Variants in LRRC74A observed in about 807,000 individuals in gnomAD.
LRRC74A encodes leucine rich repeat containing 74A, also known as leucine-rich repeat-containing protein 74A.
Under a neutral mutation model 57.9 loss-of-function variants are expected in LRRC74A, and 44 were observed. That is an observed-to-expected ratio of 0.76 (90% CI 0.60 to 0.98). The LOEUF is 0.98. Among genes scored for constraint, LRRC74A ranks in the 50% least tolerant of loss-of-function variants. LRRC74A has a pLI of 0.00. For synonymous variants in LRRC74A, 211 were observed against 219.4 expected, an observed-to-expected ratio of 0.96 and a Z score of 0.34; for missense variants, 572 against 574.0, an observed-to-expected ratio of 1.00 and a Z score of 0.04.
intron 3 of LRRC74A, among the ~76,000 whole-genome samples, chr14:76,835,251 G>A (rs1453981945): frequency 6.6e-6 from 1 of 152,160 alleles, no homozygotes; most frequent in African/African-American, 2.4e-5. Flanking sequence ...GGGAGGCCAA[G>A]GCGGGTGGAT....
intron 11 of LRRC74A, among the ~76,000 whole-genome samples, chr14:76,862,513 G>T (rs1433501850): frequency 6.7e-6 from 1 of 148,464 alleles, no homozygotes; most frequent in African/African-American, 2.5e-5. Context: ...CTCCAGCCTG[G>T]GCAACAGAGC....
intron 2 of LRRC74A, chr14:76,828,673 A>T (rs1452703564): frequency 3.3e-6 from 2 of 614,078 alleles, no homozygotes; most frequent in African/African-American, 3.6e-5. Flanking sequence ...TTAAAAGCGG[A>T]ATCAATACAC....
chr14:76,831,436 G>T, intron 3 of LRRC74A, 61 bp downstream of exon 3: 3 of 1,577,240 alleles, frequency 1.9e-6, no homozygotes, highest in Non-Finnish European at 2.6e-6. Context: ...CAGAGTGGTA[G>T]GCCCAAGATT....
chr14:76,869,837 T>G (rs1316811028), intron 13 of LRRC74A, among the ~76,000 whole-genome samples: 1 of 152,152 alleles, frequency 6.6e-6, no homozygotes, highest in African/African-American at 2.4e-5. Context: ...AAGGTCCATT[T>G]TTATCTCCCT....
At chr14:76,857,732 G>A (rs1177805531) in intron 10 of LRRC74A, among the ~76,000 whole-genome samples, 2 of 152,194 alleles carry the variant, frequency 1.3e-5, no homozygotes, top group African/African-American at 2.4e-5. Context: ...AAACCTGAGA[G>A]TAGAGATAAG....
At chr14:76,867,765 G>A (rs904810393) in intron 13 of LRRC74A, among the ~76,000 whole-genome samples, 1 of 152,158 alleles carries the variant, frequency 6.6e-6, no homozygotes, top group East Asian at 1.9e-4. Flanking sequence ...GGTGAGAGGA[G>A]CCGTAGGGGT....
chr14:76,837,749 A>T (rs1896460344), intron 4 of LRRC74A, 126 bp from the exon 5 acceptor site: 1 of 563,634 alleles, frequency 1.8e-6, no homozygotes, highest in East Asian at 3.1e-5. Context: ...TAATCCTCCT[A>T]ATCCTTTCCC....
chr14:76,842,512 A>T (rs537658914), intron 5 of LRRC74A, among the ~76,000 whole-genome samples: 1 of 152,356 alleles, frequency 6.6e-6, no homozygotes, highest in Non-Finnish European at 1.5e-5. Context: ...TTCTCTTACA[A>T]CCAGCTCTGT....
rs923005462 is a variant in LRRC74A at position 76,859,663 on chromosome 14, T to C, written c.1054-1030T>C. Among the ~76,000 whole-genome samples, 4 of 62,522 alleles carry C rather than the reference T, an allele frequency of 6.4e-5. No homozygotes were observed. In the Admixed American group the frequency reaches 6.5e-4, roughly 10 times the overall value. The allele number at this position is 62,522 out of a possible 152,430, so 41.0% of individuals were successfully genotyped here. Reference sequence around the variant, plus strand: ...CAGAACAAATAGGTCTGAATTAGCCTTTTTTTTTTTTTTTTTTTTTTTGGG... The same window carrying C: ...CAGAACAAATAGGTCTGAATTAGCCCTTTTTTTTTTTTTTTTTTTTTTGGG... On this transcript the variant is annotated intron_variant, in intron 10 of 13. Transcript: ENST00000689127.
At position 76,837,876 on chromosome 14, in the gene LRRC74A, A is replaced by G. The variant is rs1343161917; in HGVS notation, c.449A>G (p.Asn150Ser). 1 of 1,576,842 alleles carries G rather than the reference A, an allele frequency of 6.3e-7. No homozygotes were observed. The highest frequency in any genetic ancestry group is 1.4e-5 in the African/African-American group (1 of 74,068). ...LQENYYLQEM[N>S]ISNNHLGLEG... ...CCGAAGTGTTTTCTTGCCTTTTAGAATATTTCCAACAATCACCTTGGTTTG... is the reference window on the plus strand; with the variant it reads ...CCGAAGTGTTTTCTTGCCTTTTAGAGTATTTCCAACAATCACCTTGGTTTG... Residue 150 changes from asparagine (N) to serine (S), a missense_variant and splice_region_variant, in exon 5 of 14, where the codon AAT becomes AGT. Asn to Ser is a conservative substitution (Grantham distance 46). Transcript: ENST00000689127.
intron 12 of LRRC74A, 26 bp downstream of exon 12, chr14:76,866,101 G>T (rs777064100): frequency 6.9e-7 from 1 of 1,450,996 alleles, no homozygotes; most frequent in East Asian, 2.4e-5. Flanking sequence ...GTGGCAACAG[G>T]CTGTGTGTGA....
chr14:76,869,201 G>C (rs943671199), intron 13 of LRRC74A, among the ~76,000 whole-genome samples: 14 of 152,290 alleles, frequency 9.2e-5, no homozygotes, highest in African/African-American at 3.4e-4. Flanking sequence ...GCCCATCTCA[G>C]AGGCTCCAGA....
chr14:76,858,425 T>C (rs1898056884), intron 10 of LRRC74A, among the ~76,000 whole-genome samples: 1 of 152,178 alleles, frequency 6.6e-6, no homozygotes, highest in African/African-American at 2.4e-5. Context: ...GGACACAGTC[T>C]TATTAGATTA....
chr14:76,841,777 A>T (rs539864127), intron 5 of LRRC74A, among the ~76,000 whole-genome samples: 1 of 145,994 alleles, frequency 6.8e-6, no homozygotes, highest in South Asian at 2.1e-4. Context: ...CAATGGCATG[A>T]TCTTGGCTCA....
chr14:76,852,808 G>A (rs552808778), intron 8 of LRRC74A, among the ~76,000 whole-genome samples: 2 of 152,034 alleles, frequency 1.3e-5, no homozygotes, highest in South Asian at 2.1e-4. Flanking sequence ...TAGTAGAAAC[G>A]GGGTTGTACC....
Position 76,831,224 on chromosome 14 carries a change from C to T in LRRC74A, c.188C>T (p.Thr63Ile). ...GCAGATGATGAGAAATTTTTCACCA[C>T]TGGACAAAAGGAGCTGTACCTGGAG... ...EIEDDEKFFT[T>I]GQKELYLEAC... is the part of the protein sequence containing the mutation. The change falls in exon 3 of 14, where the codon ACT becomes ATT. Residue 63 changes from threonine to isoleucine, a missense_variant. Coordinates refer to ENST00000689127, the MANE Select transcript of LRRC74A (RefSeq NM_001385106.1). 1 of 1,613,988 alleles carries T rather than the reference C, an allele frequency of 6.2e-7. No homozygotes were observed. Among genetic ancestry groups the T allele is most frequent in the Non-Finnish European group, 8.5e-7 (1 of 1,179,876 alleles).
rs1895600293 is a variant in LRRC74A, at chr14:76,826,706, T to C, written c.9T>C (p.Asn3=). The change falls in exon 1 of 14, where the codon AAT becomes AAC. Residue 3 remains asparagine (N), a synonymous_variant. Transcript: ENST00000689127. ...AAGAGGGTCCTGGCACCATGGACAA[T>C]GACAAGCCTCTTCAGCCTGAGACAG... is the stretch of plus-strand genomic sequence containing the variant. The part of the protein sequence containing the change: MD[N]DKPLQPETED... The C allele has an allele frequency of 5.8e-6, 9 of 1,543,604 alleles. No individual in the cohort carries two copies. In the East Asian group the frequency reaches 1.9e-4, roughly 33 times the overall value.
rs749476471 is a variant in LRRC74A at position 76,860,851 on chromosome 14, C to T, written c.1200+12C>T. ...TGAAACTGATCCAGGTGAGCTCCTG[C>T]CTTCCTCTCAGGGCCTCCAGGGAGC... On this transcript the variant is annotated intron_variant, in intron 11 of 13. Transcript: ENST00000689127. The T allele has an allele frequency of 1.3e-6, 2 of 1,587,394 alleles. No individual in the cohort carries two copies. The highest frequency in any genetic ancestry group is 2.3e-5 in the South Asian group (2 of 87,704).
In LRRC74A at chr14:76,867,241, T is replaced by TGTGG. The variant is rs1566748126; in HGVS notation, c.1309-112_1309-111insGGTG. Reference sequence around the variant, plus strand: ...GTGTGTGTGGTAGTGTGTGTGGGGGTGTGTGTTGGGGGGGTGGGGTGTGTG... The same window carrying TGTGG: ...GTGTGTGTGGTAGTGTGTGTGGGGGTGTGGGTGTGTTGGGGGGGTGGGGTGTGTG... On this transcript the variant is annotated intron_variant, in intron 12 of 13. Coordinates refer to ENST00000689127, the MANE Select transcript of LRRC74A (RefSeq NM_001385106.1). The TGTGG allele has an allele frequency of 1.3e-3, 285 of 215,036 alleles. 2 individuals are homozygous for TGTGG. The highest frequency in any genetic ancestry group is 1.2e-3 in the Middle Eastern group (1 of 812). 13.3% of individuals were successfully genotyped at this position (215,036 alleles called of 1,614,324 possible). A position where few individuals can be genotyped will look rare whatever the true frequency, so the allele number is the denominator to read the frequency against.
Sources: allele counts gnomAD v4.1 joint callset (sites outside exome capture counted in the v4.1 genomes callset), GRCh38; gene constraint gnomAD v4.1.1; transcripts MANE v1.5; gene names NCBI Gene and HGNC (gene_info 2026-07-23, HGNC 2026-07-21).